Variants in TMEM117 observed in about 807,000 individuals in gnomAD.
The protein encoded by TMEM117 is transmembrane protein 117.
Under a neutral mutation model 52.4 loss-of-function variants are expected in TMEM117, and 27 were observed. That is an observed-to-expected ratio of 0.51 (90% CI 0.38 to 0.71). The LOEUF is 0.71. Ranked by LOEUF, TMEM117 falls within the 30% of genes least tolerant of loss-of-function variation. The pLI, the probability that TMEM117 is intolerant of heterozygous loss-of-function variation, is 0.00. For synonymous variants in TMEM117, 215 were observed against 206.3 expected (o/e 1.04, Z -0.36); for missense variants, 556 against 630.5 (o/e 0.88, Z 1.26).
intron 5 of TMEM117, among the ~76,000 whole-genome samples, chr12:44,259,913 T>A (rs931781332): frequency 2.6e-5 from 4 of 152,200 alleles, no homozygotes; most frequent in African/African-American, 9.6e-5. Flanking sequence ...TGATTTTTAG[T>A]TAAGAACCAA....
chr12:43,802,224 A>C, the TMEM117 span: 2 of 1,145,754 alleles, frequency 1.7e-6, no homozygotes, highest in Non-Finnish European at 2.4e-6. Flanking sequence ...TATTTGACCT[A>C]GAAATTTCAA....
upstream of TMEM117, among the ~76,000 whole-genome samples, chr12:43,832,498 C>T (rs912568344): frequency 3.3e-5 from 5 of 152,268 alleles, no homozygotes; most frequent in East Asian, 5.8e-4. Context: ...AGTCCACATC[C>T]GGATCTAACA....
intron 2 of TMEM117, among the ~76,000 whole-genome samples, chr12:43,935,345 C>T (rs576447832): frequency 6.6e-6 from 1 of 152,286 alleles, no homozygotes; most frequent in African/African-American, 2.4e-5. Flanking sequence ...AAGTGAATTT[C>T]AATTAATTTT....
At position 44,201,173 on chromosome 12, in the gene TMEM117, A is replaced by G. The variant is rs1418136461; in HGVS notation, c.511-10117A>G. Reference sequence around the variant, plus strand: ...ATGGCATAAGAATTCAGAGAGGATGATGTGAGACAATAGAAGATGAAACAA... The same window carrying G: ...ATGGCATAAGAATTCAGAGAGGATGGTGTGAGACAATAGAAGATGAAACAA... On this transcript the variant is annotated intron_variant, in intron 4 of 7. Transcript: ENST00000266534. 5.3e-5 allele frequency among the ~76,000 whole-genome samples: 8 copies of G among 152,190 alleles called. No homozygotes were observed. In the East Asian group the frequency reaches 1.5e-3, roughly 29 times the overall value.
intron 3 of TMEM117, among the ~76,000 whole-genome samples, chr12:44,045,491 C>G (rs1402495022): frequency 6.6e-6 from 1 of 152,206 alleles, no homozygotes; most frequent in African/African-American, 2.4e-5. Context: ...GCCTTATCCA[C>G]CATCATGGTA....
chr12:43,825,000 T>A, the TMEM117 span, among the ~76,000 whole-genome samples: 1 of 152,194 alleles, frequency 6.6e-6, no homozygotes, highest in Non-Finnish European at 1.5e-5. Flanking sequence ...CCAAATGCCT[T>A]CAGAGGCCAG....
At chr12:44,092,295 C>A (rs1402147663) in intron 3 of TMEM117, among the ~76,000 whole-genome samples, 1 of 152,176 alleles carries the variant, frequency 6.6e-6, no homozygotes, top group Non-Finnish European at 1.5e-5. Context: ...CATAGAATTT[C>A]TGAAAGCATA....
intron 3 of TMEM117, among the ~76,000 whole-genome samples, chr12:44,075,980 A>G (rs1473459819): frequency 6.6e-6 from 1 of 152,196 alleles, no homozygotes; most frequent in African/African-American, 2.4e-5. Flanking sequence ...AGTGCTGACA[A>G]CAGTGGGGCC....
At chr12:44,096,485 A>C (rs1408389901) in intron 3 of TMEM117, among the ~76,000 whole-genome samples, 1 of 152,168 alleles carries the variant, frequency 6.6e-6, no homozygotes, top group East Asian at 1.9e-4. Flanking sequence ...TACAGTAACC[A>C]AAACAGCATG....
rs552768772 is a variant in TMEM117, at chr12:44,270,352, A to ATATT, written c.609-29214_609-29211dup. Among the ~76,000 whole-genome samples, 44 of 152,094 alleles carry ATATT rather than the reference A, an allele frequency of 2.9e-4. 2 individuals carry two copies. In the South Asian group the frequency reaches 8.7e-3, roughly 30 times the overall value. ...GGTTAGATACATTCCTAAGTATTAT[A>ATATT]TATTTATTTATTTATTTGCAGCTAT... On this transcript the variant is annotated intron_variant, in intron 5 of 7. Transcript: ENST00000266534.
chr12:44,047,647 A>G (rs551762943), intron 3 of TMEM117, among the ~76,000 whole-genome samples: 14 of 152,352 alleles, frequency 9.2e-5, no homozygotes, highest in Admixed American at 2.6e-4. Flanking sequence ...GCTAAATTGA[A>G]TAGTCCATAG....
At chr12:44,156,715 G>A (rs1372908812) in intron 4 of TMEM117, among the ~76,000 whole-genome samples, 1 of 152,048 alleles carries the variant, frequency 6.6e-6, no homozygotes, top group Non-Finnish European at 1.5e-5. Flanking sequence ...GAGAAACCAG[G>A]AGAAAGAATC....
chr12:44,263,429 TGTG>T (rs1290869938), intron 5 of TMEM117: 1 of 152,168 alleles, frequency 6.6e-6, no homozygotes, highest in Non-Finnish European at 1.5e-5. Context: ...GTTCAACCAG[TGTG>T]GTGATTCCTC....
intron 2 of TMEM117, among the ~76,000 whole-genome samples, chr12:43,867,515 C>T (rs1943623833): frequency 6.6e-6 from 1 of 152,046 alleles, no homozygotes; most frequent in Non-Finnish European, 1.5e-5. Flanking sequence ...CTAAACATTC[C>T]AATTACAAGG....
At chr12:43,937,576 G>A (rs1204551586) in intron 2 of TMEM117, among the ~76,000 whole-genome samples, 1 of 152,148 alleles carries the variant, frequency 6.6e-6, no homozygotes, top group African/African-American at 2.4e-5. Flanking sequence ...CAAATAGGAG[G>A]GAACAGAATT....
chr12:43,819,813 A>G, the TMEM117 span, among the ~76,000 whole-genome samples: 1 of 151,978 alleles, frequency 6.6e-6, no homozygotes. Flanking sequence ...AGAGAGAGAG[A>G]AAGGAAAGAA....
chr12:43,888,959 C>T (rs1388646640), intron 2 of TMEM117, among the ~76,000 whole-genome samples: 2 of 152,102 alleles, frequency 1.3e-5, no homozygotes, highest in Admixed American at 6.5e-5. Flanking sequence ...TGTTGATCAG[C>T]GGTCCCCAAC....
chr12:43,841,783 A>G (rs1041125552), intron 1 of TMEM117, among the ~76,000 whole-genome samples: 10 of 152,202 alleles, frequency 6.6e-5, no homozygotes, highest in Admixed American at 3.3e-4. Flanking sequence ...ACTTTGGGCC[A>G]GTTACAAAGT....
intron 6 of TMEM117, among the ~76,000 whole-genome samples, chr12:44,311,895 G>GTATATATA (rs1490191706): frequency 5.3e-5 from 7 of 132,440 alleles, no homozygotes; most frequent in African/African-American, 1.6e-4. Flanking sequence ...GTATATATAT[G>GTATATATA]TGTATATATA....
Sources: gnomAD v4.1 joint callset for allele counts (sites outside exome capture counted in the v4.1 genomes callset) on GRCh38, gnomAD v4.1.1 for gene constraint, MANE v1.5 for transcripts, NCBI Gene and HGNC (gene_info 2026-07-23, HGNC 2026-07-21) for gene names.